The following PHTF2 variants were observed in gnomAD, a reference collection of about 807,000 sequenced individuals.
The protein encoded by PHTF2 is putative homeodomain transcription factor 2.
Under a neutral mutation model 101.2 loss-of-function variants are expected in PHTF2, and 60 were observed. The observed-to-expected ratio is 0.59, with a 90% CI of 0.48 to 0.73. The LOEUF (loss-of-function observed/expected upper bound fraction) is 0.73, where lower values mean the gene tolerates loss of function less well. Ranked by LOEUF, PHTF2 falls within the 30% of genes least tolerant of loss-of-function variation. PHTF2 has a pLI of 0.00. For synonymous variants in PHTF2, 311 were observed against 307.3 expected, an observed-to-expected ratio of 1.01 and a Z score of -0.13; for missense variants, 747 against 908.7, an observed-to-expected ratio of 0.82 and a Z score of 2.29.
chr7:77,877,603 A>G (rs1401835572), intron 3 of PHTF2, among the ~76,000 whole-genome samples: 1 of 152,256 alleles, frequency 6.6e-6, no homozygotes, highest in African/African-American at 2.4e-5. Context: ...AACAGTCTTC[A>G]TAAATTATGC....
chr7:77,919,460 A>G (rs1211879781), intron 9 of PHTF2, among the ~76,000 whole-genome samples: 2 of 152,208 alleles, frequency 1.3e-5, no homozygotes, highest in Non-Finnish European at 2.9e-5. Flanking sequence ...TGCATTGAGC[A>G]CATTTTAATT....
At chr7:77,825,868 A>G (rs1402226146) in intron 1 of PHTF2, among the ~76,000 whole-genome samples, 1 of 152,190 alleles carries the variant, frequency 6.6e-6, no homozygotes, top group East Asian at 1.9e-4. Flanking sequence ...TAAACGAAAG[A>G]AGTAACTCTG....
intron 1 of PHTF2, among the ~76,000 whole-genome samples, chr7:77,834,594 CTT>C (rs1795311034): frequency 6.6e-6 from 1 of 152,098 alleles, no homozygotes; most frequent in South Asian, 2.1e-4. Context: ...GCTCGGAGCT[CTT>C]TTTCTTTTCA....
chr7:77,908,780 T>TC lies in PHTF2; in HGVS notation c.446-10dup. The TC allele has an allele frequency of 6.6e-7, 1 of 1,517,582 alleles. No homozygotes were observed. The allele number at this position is 1,517,582 out of a possible 1,614,324, so 94.0% of individuals were successfully genotyped here. On this transcript the variant is annotated splice_polypyrimidine_tract_variant and intron_variant, in intron 7 of 19. Transcript: ENST00000416283. The stretch of plus-strand genomic sequence containing the variant: ...GATCTATAATTAAGCATATTTTCTT[T>TC]CCCTTTTTATAGTTGCTGCAATAGT...
intron 1 of PHTF2, among the ~76,000 whole-genome samples, chr7:77,833,002 C>T (rs1298388121): frequency 2.0e-5 from 3 of 151,888 alleles, no homozygotes; most frequent in African/African-American, 7.3e-5. Context: ...ACAATCGTAA[C>T]AGTATACTCT....
intron 2 of PHTF2, among the ~76,000 whole-genome samples, chr7:77,847,545 G>A (rs1474930326): frequency 1.3e-5 from 2 of 152,104 alleles, no homozygotes; most frequent in African/African-American, 4.8e-5. Context: ...GACAGAATAA[G>A]TCAACTTTAA....
intron 1 of PHTF2, among the ~76,000 whole-genome samples, chr7:77,836,601 A>G (rs1795490956): frequency 6.6e-6 from 1 of 152,204 alleles, no homozygotes; most frequent in South Asian, 2.1e-4. Context: ...GATAGACTGG[A>G]TAAAGAAAAT....
intron 12 of PHTF2, among the ~76,000 whole-genome samples, chr7:77,930,749 C>G (rs920874780): frequency 1.3e-5 from 2 of 152,196 alleles, no homozygotes; most frequent in African/African-American, 2.4e-5. Flanking sequence ...TTTACAACAG[C>G]TATCTTATCC....
At chr7:77,857,419 C>G (rs867580094) in intron 3 of PHTF2, among the ~76,000 whole-genome samples, 65 of 152,298 alleles carry the variant, frequency 4.3e-4, no homozygotes, top group South Asian at 2.1e-4. Context: ...CAGCCATTAT[C>G]CGCTAAGGAA....
chr7:77,879,137 TCAGA>T (rs1799193629), intron 3 of PHTF2, among the ~76,000 whole-genome samples: 6 of 152,234 alleles, frequency 3.9e-5, no homozygotes, highest in Admixed American at 2.6e-4. Flanking sequence ...ATTGGTCCTT[TCAGA>T]CCATCTCTTA....
chr7:77,866,829 G>A (rs1163610366), intron 3 of PHTF2, among the ~76,000 whole-genome samples: 2 of 152,200 alleles, frequency 1.3e-5, no homozygotes, highest in Non-Finnish European at 2.9e-5. Flanking sequence ...GGATGGTGCT[G>A]TAGCCTTGAT....
rs58290945 is a variant in PHTF2 at position 77,925,495 on chromosome 7, GTTTTTTTTTTTTTTTTT to G, written c.1119+2732_1119+2748del. On this transcript the variant is annotated intron_variant, in intron 11 of 19. Transcript: ENST00000416283. Reference sequence around the variant, plus strand: ...GCAATTATAGGCAATAGTTTTTAGGGTTTTTTTTTTTTTTTTTTTTTTTTTTTTTTTGAGACAGAGTT... The same window carrying G: ...GCAATTATAGGCAATAGTTTTTAGGGTTTTTTTTTTTTTTGAGACAGAGTT... 2.1e-4 allele frequency among the ~76,000 whole-genome samples: 15 copies of G among 73,142 alleles called. No individual in the cohort carries two copies. The Admixed American group carries it at 3.2e-3, about 16-fold the overall frequency. 48.0% of individuals were successfully genotyped at this position (73,142 alleles called of 152,430 possible). A position where few individuals can be genotyped will look rare whatever the true frequency, so the allele number is the denominator to read the frequency against.
intron 3 of PHTF2, among the ~76,000 whole-genome samples, chr7:77,873,032 C>T (rs1466440179): frequency 2.0e-5 from 3 of 152,050 alleles, no homozygotes; most frequent in African/African-American, 7.2e-5. Flanking sequence ...CGGGTTCAAG[C>T]GAGTCCCCTG....
intron 2 of PHTF2, among the ~76,000 whole-genome samples, chr7:77,848,376 G>A (rs1796475248): frequency 6.6e-6 from 1 of 152,100 alleles, no homozygotes; most frequent in Non-Finnish European, 1.5e-5. Context: ...ATTTGTTGTT[G>A]CCTGTCTTCT....
At chr7:77,925,494 G>GT (rs1803879861) in intron 11 of PHTF2, among the ~76,000 whole-genome samples, 2 of 98,924 alleles carry the variant, frequency 2.0e-5, no homozygotes, top group Non-Finnish European at 3.9e-5. Context: ...TAGTTTTTAG[G>GT]GTTTTTTTTT....
intron 17 of PHTF2, 75 bp from the exon 17 acceptor site, chr7:77,951,542 G>C (rs1806545388): frequency 3.1e-6 from 2 of 642,874 alleles, no homozygotes; most frequent in Non-Finnish European, 5.3e-6. Flanking sequence ...CCAGATACTT[G>C]AGTGAATATC....
At chr7:77,955,365 G>A (rs986887477) in exon 20 of PHTF2, 1 of 152,592 alleles carries the variant, frequency 6.6e-6, no homozygotes, top group African/African-American at 2.4e-5. Context: ...AACAATGCCA[G>A]GATCCAAACT....
At chr7:77,914,426 C>T (rs186554827) in intron 9 of PHTF2, among the ~76,000 whole-genome samples, 1 of 152,306 alleles carries the variant, frequency 6.6e-6, no homozygotes, top group Non-Finnish European at 1.5e-5. Context: ...GGAGAGTGAG[C>T]AGCTAAGGCA....
chr7:77,920,444 A>T, exon 10 of PHTF2: 1 of 1,613,224 alleles, frequency 6.2e-7, no homozygotes, highest in South Asian at 1.1e-5. Context: ...ACACAGGAAC[A>T]CTGAGGAATG....
Sources: gnomAD v4.1 joint callset for allele counts (sites outside exome capture counted in the v4.1 genomes callset) on GRCh38, gnomAD v4.1.1 for gene constraint, MANE v1.5 for transcripts, NCBI Gene and HGNC (gene_info 2026-07-23, HGNC 2026-07-21) for gene names.